The following PTPN13 variants were observed in gnomAD, a reference collection of about 807,000 sequenced individuals.
The protein encoded by PTPN13 is tyrosine-protein phosphatase non-receptor type 13.
In PTPN13, 191 loss-of-function variants were observed where a neutral mutation model predicts 284.0. The observed-to-expected ratio is 0.67, with a 90% CI of 0.60 to 0.76. The LOEUF is 0.76. Among genes scored for constraint, PTPN13 ranks in the 30% least tolerant of loss-of-function variants. The pLI is 0.00. For synonymous variants in PTPN13, 986 were observed against 1,022.3 expected (o/e 0.96, Z 0.68); for missense variants, 2,797 against 2,939.9 (o/e 0.95, Z 1.12).
At chr4:86,688,821 G>A (rs981995661) in intron 4 of PTPN13, among the ~76,000 whole-genome samples, 184 bp from the exon 5 acceptor site, 1 of 152,014 alleles carries the variant, frequency 6.6e-6, no homozygotes, top group African/African-American at 2.4e-5. Flanking sequence ...ACTATCTTCT[G>A]CTAATATATT....
Position 86,763,206 on chromosome 4 carries a change from A to C in PTPN13, c.4017+16A>C. On this transcript the variant is annotated intron_variant, in intron 24 of 47. Coordinates refer to ENST00000411767, the MANE Select transcript of PTPN13 (RefSeq NM_080683.3). The stretch of plus-strand genomic sequence containing the variant: ...ACCAAAACAGGCATAGTTTAATTTT[A>C]ATATTTTGGTTTTCTCATTTAACAA... 6.3e-7 allele frequency: 1 copy of C among 1,586,176 alleles called. No individual in the cohort carries two copies. Among genetic ancestry groups the C allele is most frequent in the Non-Finnish European group, 8.6e-7 (1 of 1,167,124 alleles).
chr4:86,720,144 A>G (rs1733494871), intron 9 of PTPN13, among the ~76,000 whole-genome samples: 1 of 152,174 alleles, frequency 6.6e-6, no homozygotes, highest in South Asian at 2.1e-4. Context: ...AATAGAGATA[A>G]CACCTGAAGA....
intron 5 of PTPN13, among the ~76,000 whole-genome samples, chr4:86,692,631 T>C (rs1730148504): frequency 6.6e-6 from 1 of 152,152 alleles, no homozygotes; most frequent in Admixed American, 6.5e-5. Context: ...TTTTTATCCC[T>C]TATAGTGTGG....
At chr4:86,611,092 C>T (rs2149195823) in intron 1 of PTPN13, among the ~76,000 whole-genome samples, 1 of 152,244 alleles carries the variant, frequency 6.6e-6, no homozygotes, top group East Asian at 1.9e-4. Flanking sequence ...TGCTATTCTT[C>T]CTTTTTCCTA....
At chr4:86,678,717 GT>G (rs1728564599) in intron 3 of PTPN13, among the ~76,000 whole-genome samples, 2 of 152,120 alleles carry the variant, frequency 1.3e-5, no homozygotes, top group Admixed American at 6.5e-5. Context: ...AATCTAAGGT[GT>G]CATTCTTAAT....
intron 20 of PTPN13, among the ~76,000 whole-genome samples, chr4:86,754,172 G>A (rs1361429143): frequency 6.6e-6 from 1 of 151,960 alleles, no homozygotes; most frequent in Non-Finnish European, 1.5e-5. Context: ...TCAAGATGAG[G>A]TTTCTTTCCT....
At chr4:86,743,894 G>A (rs1736436765) in intron 16 of PTPN13, among the ~76,000 whole-genome samples, 2 of 152,174 alleles carry the variant, frequency 1.3e-5, no homozygotes, top group South Asian at 4.1e-4. Flanking sequence ...GTAGCCAAGA[G>A]CTAGAGTACA....
intron 30 of PTPN13, 24 bp downstream of exon 30, chr4:86,770,223 A>G: frequency 1.9e-6 from 3 of 1,577,068 alleles, no homozygotes; most frequent in Non-Finnish European, 2.6e-6. Flanking sequence ...AAAGTAATTT[A>G]CAGTTTTATA....
intron 2 of PTPN13, among the ~76,000 whole-genome samples, chr4:86,648,427 A>G (rs1023834476): frequency 6.6e-6 from 1 of 151,932 alleles, no homozygotes; most frequent in East Asian, 1.9e-4. Flanking sequence ...CTCTATTTCC[A>G]TGAGTTCAAT....
chr4:86,701,684 G>T lies in PTPN13; in HGVS notation c.1078G>T (p.Asp360Tyr), dbSNP rs547454056. ...ALDIFGPQKM[D>Y]PIYHTRELPT... is the part of the protein sequence containing the mutation. ...GGATATCTTTGGCCCTCAGAAAATG[G>T]ATCCAATATATCACACTCGAGAATT... Residue 360 changes from aspartate to tyrosine, a missense_variant, in exon 7 of 48, where the codon GAT (aspartate) becomes TAT (tyrosine). By Grantham distance (160) the Asp-to-Tyr change is radical. Coordinates refer to ENST00000411767, the MANE Select transcript of PTPN13 (RefSeq NM_080683.3). The T allele has an allele frequency of 8.0e-5, 129 of 1,613,726 alleles. No homozygotes were observed. Among genetic ancestry groups the T allele is most frequent in the Non-Finnish European group, 1.1e-4 (128 of 1,179,832 alleles).
At chr4:86,694,053 A>G (rs1170404240) in intron 6 of PTPN13, among the ~76,000 whole-genome samples, 1 of 151,940 alleles carries the variant, frequency 6.6e-6, no homozygotes, top group Admixed American at 6.6e-5. Flanking sequence ...AAGTTTCAGA[A>G]AACGTTTTTC....
At position 86,735,752 on chromosome 4, in the gene PTPN13, C is replaced by G. The variant is rs1401729046; in HGVS notation, c.2304+6C>G. 3 of 1,605,546 alleles carry G rather than the reference C, an allele frequency of 1.9e-6. No homozygotes were observed. In the South Asian group the frequency reaches 3.4e-5, roughly 18 times the overall value. ...CAGAGTTAGAATTTTTAAAGGTAAGCATCCAAGATTACAAATGATAAGCTT... is the reference window on the plus strand; with the variant it reads ...CAGAGTTAGAATTTTTAAAGGTAAGGATCCAAGATTACAAATGATAAGCTT... On this transcript the variant is annotated splice_donor_region_variant and intron_variant, in intron 15 of 47. Coordinates refer to ENST00000411767, the MANE Select transcript of PTPN13 (RefSeq NM_080683.3).
chr4:86,694,410 A>C (rs1730367814), intron 6 of PTPN13, among the ~76,000 whole-genome samples: 1 of 151,542 alleles, frequency 6.6e-6, no homozygotes, highest in African/African-American at 2.4e-5. Context: ...GTGAAATCCC[A>C]TCTCTCTAAA....
intron 2 of PTPN13, among the ~76,000 whole-genome samples, chr4:86,670,070 G>C (rs1489689174): frequency 6.6e-6 from 1 of 151,012 alleles, no homozygotes; most frequent in Non-Finnish European, 1.5e-5. Context: ...CAAGAGAAGA[G>C]GAAGAATCTG....
chr4:86,651,144 A>C (rs1006506160), intron 2 of PTPN13, among the ~76,000 whole-genome samples: 2 of 152,130 alleles, frequency 1.3e-5, no homozygotes, highest in Non-Finnish European at 2.9e-5. Flanking sequence ...ATTTTATTGA[A>C]TGCTTTTCCA....
chr4:86,805,855 G>A (rs1388316940), intron 44 of PTPN13, among the ~76,000 whole-genome samples: 1 of 151,996 alleles, frequency 6.6e-6, no homozygotes, highest in Non-Finnish European at 1.5e-5. Flanking sequence ...TACCAGAAGG[G>A]AACAAAAGCA....
At chr4:86,748,221 G>T (rs1736995319) in intron 17 of PTPN13, among the ~76,000 whole-genome samples, 1 of 152,206 alleles carries the variant, frequency 6.6e-6, no homozygotes, top group Admixed American at 6.5e-5. Flanking sequence ...AACAATAGCA[G>T]AAACAGATTA....
At chr4:86,599,624 A>T (rs1764119873) in intron 1 of PTPN13, among the ~76,000 whole-genome samples, 1 of 152,144 alleles carries the variant, frequency 6.6e-6, no homozygotes, top group Admixed American at 6.5e-5. Context: ...GAGGTTTTGA[A>T]ATTTGTGTAT....
At chr4:86,765,163 T>C (rs953676066) in intron 25 of PTPN13, among the ~76,000 whole-genome samples, 1 of 152,210 alleles carries the variant, frequency 6.6e-6, no homozygotes, top group Non-Finnish European at 1.5e-5. Context: ...AAGGAATATA[T>C]GTATCTTTAA....
Sources: allele counts gnomAD v4.1 joint callset (sites outside exome capture counted in the v4.1 genomes callset), GRCh38; gene constraint gnomAD v4.1.1; transcripts MANE v1.5; gene names NCBI Gene and HGNC (gene_info 2026-07-23, HGNC 2026-07-21).